Variants in CACNA2D3 observed in about 807,000 individuals in gnomAD.
CACNA2D3 encodes the protein calcium voltage-gated channel auxiliary subunit alpha2delta 3.
CACNA2D3 carries 60 observed loss-of-function variants against 160.6 expected under a neutral mutation model. That is an observed-to-expected ratio of 0.37 (90% confidence interval 0.30 to 0.46). CACNA2D3 has a LOEUF of 0.46. CACNA2D3 is among the 20% of genes least tolerant of loss of function. The probability of loss-of-function intolerance (pLI) is 1.00; values close to 1 mark genes in which losing one functional copy is unlikely to be tolerated. For synonymous variants in CACNA2D3, 558 were observed against 492.9 expected (o/e 1.13, Z -1.75); for missense variants, 1,205 against 1,365.0 (o/e 0.88, Z 1.85).
intron 9 of CACNA2D3, among the ~76,000 whole-genome samples, chr3:54,601,987 G>A (rs1055787200): frequency 6.6e-6 from 1 of 151,894 alleles, no homozygotes; most frequent in Non-Finnish European, 1.5e-5. Flanking sequence ...GAGGACACTG[G>A]GAAATAAAAC....
intron 11 of CACNA2D3, among the ~76,000 whole-genome samples, chr3:54,658,573 G>A (rs376656399): frequency 2.5e-4 from 38 of 152,066 alleles, no homozygotes; most frequent in African/African-American, 3.4e-4. Context: ...AATTAAACCC[G>A]TATCAGATAA....
chr3:55,019,452 C>A (rs1703400459), intron 35 of CACNA2D3, among the ~76,000 whole-genome samples: 3 of 151,838 alleles, frequency 2.0e-5, no homozygotes, highest in Admixed American at 2.0e-4. Flanking sequence ...TAGTTATATG[C>A]CTTTTCTATG....
intron 17 of CACNA2D3, among the ~76,000 whole-genome samples, chr3:54,865,336 G>A (rs983244149): frequency 6.6e-6 from 1 of 152,150 alleles, no homozygotes; most frequent in Non-Finnish European, 1.5e-5. Flanking sequence ...GGATAAGAGG[G>A]GGAAAGTAAG....
intron 18 of CACNA2D3, among the ~76,000 whole-genome samples, chr3:54,875,904 C>T (rs181815206): frequency 6.6e-6 from 1 of 152,252 alleles, no homozygotes; most frequent in East Asian, 1.9e-4. Flanking sequence ...CTTTAATGTC[C>T]ATTGCATTAC....
intron 25 of CACNA2D3, among the ~76,000 whole-genome samples, chr3:54,896,246 G>A (rs1700185540): frequency 6.6e-6 from 1 of 152,132 alleles, no homozygotes; most frequent in African/African-American, 2.4e-5. Flanking sequence ...GGCAGGTGAG[G>A]GAAGAAGGTA....
intron 2 of CACNA2D3, among the ~76,000 whole-genome samples, chr3:54,220,853 G>A (rs963534942): frequency 6.6e-6 from 1 of 152,178 alleles, no homozygotes; most frequent in Non-Finnish European, 1.5e-5. Flanking sequence ...GCCCAGAGTA[G>A]GTTCTTAGGG....
chr3:54,579,529 T>C (rs1702640698), intron 8 of CACNA2D3, among the ~76,000 whole-genome samples: 1 of 152,204 alleles, frequency 6.6e-6, no homozygotes, highest in African/African-American at 2.4e-5. Context: ...TCATGGTCAT[T>C]TGACTGCCCC....
At chr3:54,803,224 A>T (rs1302264962) in intron 13 of CACNA2D3, among the ~76,000 whole-genome samples, 1 of 152,260 alleles carries the variant, frequency 6.6e-6, no homozygotes, top group Non-Finnish European at 1.5e-5. Flanking sequence ...GACTTTGACG[A>T]GTTGAGGGAA....
intron 27 of CACNA2D3, among the ~76,000 whole-genome samples, chr3:54,949,705 GA>G (rs1286670431): frequency 1.3e-5 from 2 of 152,170 alleles, no homozygotes; most frequent in Non-Finnish European, 2.9e-5. Context: ...CAGGGCCTCA[GA>G]AAAATTCAGA....
Position 54,569,819 on chromosome 3 carries a change from A to C in CACNA2D3, c.701A>C (p.Asn234Thr), listed in dbSNP as rs774768835. 2 of 1,605,502 alleles carry C rather than the reference A, an allele frequency of 1.2e-6. No individual in the cohort carries two copies. Among genetic ancestry groups the C allele is most frequent in the South Asian group, 2.2e-5 (2 of 89,460 alleles). The change falls in exon 7 of 38, where the codon AAT (asparagine) becomes ACT (threonine). Residue 234 changes from asparagine (N) to threonine (T), a missense_variant. By Grantham distance (65) the Asn-to-Thr change is moderately conservative. Coordinates refer to ENST00000474759, the MANE Select transcript of CACNA2D3 (RefSeq NM_018398.3). Reference sequence around the variant, plus strand: ...GGGATTAAATGGGAACCAGATGAGAATGGAGTCATTGCCTTCGACTGCAGG... The same window carrying C: ...GGGATTAAATGGGAACCAGATGAGACTGGAGTCATTGCCTTCGACTGCAGG... ...YPGIKWEPDENGVIAFDCRNR... is the reference protein window; with the variant it reads ...YPGIKWEPDETGVIAFDCRNR...
chr3:54,241,803 A>G (rs1233343829), intron 2 of CACNA2D3, among the ~76,000 whole-genome samples: 1 of 152,208 alleles, frequency 6.6e-6, no homozygotes, highest in Non-Finnish European at 1.5e-5. Flanking sequence ...GGTGGTGGTA[A>G]CTGGTACATA....
At chr3:54,771,403 A>C (rs1417013576) in intron 13 of CACNA2D3, among the ~76,000 whole-genome samples, 1 of 152,184 alleles carries the variant, frequency 6.6e-6, no homozygotes, top group Non-Finnish European at 1.5e-5. Flanking sequence ...TCAGGCACTC[A>C]CAAGGCTACA....
In CACNA2D3 at chr3:54,956,047, C is replaced by T. The variant is rs886735317; in HGVS notation, c.2450-12403C>T. On this transcript the variant is annotated intron_variant, in intron 27 of 37. Coordinates refer to ENST00000474759, the MANE Select transcript of CACNA2D3 (RefSeq NM_018398.3). The stretch of plus-strand genomic sequence containing the variant: ...GATTACTCCAGAGTGCCGTCCGCCC[C>T]TCCTTAATGTTTCCCTGTCTCCTTC... Among the ~76,000 whole-genome samples, 5 of 152,198 alleles carry T rather than the reference C, an allele frequency of 3.3e-5. No homozygotes were observed. The South Asian group carries it at 6.2e-4, about 19-fold the overall frequency.
intron 11 of CACNA2D3, among the ~76,000 whole-genome samples, chr3:54,676,089 A>G (rs1435987622): frequency 3.9e-5 from 6 of 152,164 alleles, no homozygotes; most frequent in Admixed American, 2.0e-4. Flanking sequence ...CTGAGCCTCC[A>G]GTTCCTCGTC....
intron 27 of CACNA2D3, among the ~76,000 whole-genome samples, chr3:54,904,927 C>G (rs1700420131): frequency 6.6e-6 from 1 of 152,122 alleles, no homozygotes. Flanking sequence ...TGTCCCATCC[C>G]AAAAGCAACC....
At chr3:54,735,192 C>T (rs574405054) in intron 11 of CACNA2D3, among the ~76,000 whole-genome samples, 1 of 152,212 alleles carries the variant, frequency 6.6e-6, no homozygotes. Context: ...CTTCTGTAGT[C>T]ACAGAATTTA....
chr3:54,952,241 C>T (rs1243519573), intron 27 of CACNA2D3, among the ~76,000 whole-genome samples: 1 of 152,192 alleles, frequency 6.6e-6, no homozygotes, highest in Non-Finnish European at 1.5e-5. Context: ...AGGATGTTGG[C>T]CTTGCACTCT....
chr3:54,856,597 C>T (rs1033841116), intron 17 of CACNA2D3, among the ~76,000 whole-genome samples: 1 of 152,146 alleles, frequency 6.6e-6, no homozygotes, highest in South Asian at 2.1e-4. Flanking sequence ...TTGGTGTTTT[C>T]ATTCTCATAG....
At chr3:54,875,968 T>A (rs974980232) in intron 18 of CACNA2D3, among the ~76,000 whole-genome samples, 10 of 152,374 alleles carry the variant, frequency 6.6e-5, no homozygotes, top group African/African-American at 2.4e-4. Context: ...ATGCCACTGA[T>A]GTTTTAATTT....
Sources: gnomAD v4.1 joint callset for allele counts (sites outside exome capture counted in the v4.1 genomes callset) on GRCh38, gnomAD v4.1.1 for gene constraint, MANE v1.5 for transcripts, NCBI Gene and HGNC (gene_info 2026-07-23, HGNC 2026-07-21) for gene names.